The following KIF16B variants were observed in gnomAD, a reference collection of about 807,000 sequenced individuals.
KIF16B encodes kinesin-like protein KIF16B.
A neutral mutation model predicts 156.3 loss-of-function variants in KIF16B; 98 were observed. The ratio of observed to expected loss-of-function variants is 0.63; its 90% CI spans 0.53 to 0.74. The LOEUF is 0.74. Among genes scored for constraint, KIF16B ranks in the 30% least tolerant of loss-of-function variants. The pLI is 0.00. For synonymous variants in KIF16B, 564 were observed against 583.7 expected, an observed-to-expected ratio of 0.97 and a Z score of 0.49; for missense variants, 1,421 against 1,606.5, an observed-to-expected ratio of 0.88 and a Z score of 1.97.
chr20:16,318,547 C>T (rs557554746), intron 24 of KIF16B, among the ~76,000 whole-genome samples: 19 of 152,100 alleles, frequency 1.2e-4, no homozygotes, highest in African/African-American at 2.7e-4. Context: ...AAACACAAGA[C>T]GCGGTGTCTC....
At chr20:16,367,905 T>C in intron 22 of KIF16B, 1 of 1,482,258 alleles carries the variant, frequency 6.7e-7, no homozygotes, top group Non-Finnish European at 8.9e-7. Flanking sequence ...GAACACTCTG[T>C]CCACCAAAGC....
At chr20:16,521,697 C>T (rs1003995490) in intron 3 of KIF16B, among the ~76,000 whole-genome samples, 2 of 152,068 alleles carry the variant, frequency 1.3e-5, no homozygotes, top group African/African-American at 4.8e-5. Flanking sequence ...TCGAGTAGAG[C>T]AAAACCCAAG....
chr20:16,357,370 C>T (rs1600200314), intron 22 of KIF16B, among the ~76,000 whole-genome samples: 1 of 152,284 alleles, frequency 6.6e-6, no homozygotes, highest in Non-Finnish European at 1.5e-5. Flanking sequence ...AGGCCCAAGA[C>T]TGAGGGTTGA....
intron 12 of KIF16B, among the ~76,000 whole-genome samples, chr20:16,467,719 G>GA (rs35313223): frequency 0.41 from 61,176 of 147,872 alleles, 12,865 homozygotes; most frequent in African/African-American, 0.52. Flanking sequence ...TAATAGGGGG[G>GA]AAAAAAAAAA....
At chr20:16,414,717 T>C (rs1382631423) in intron 15 of KIF16B, among the ~76,000 whole-genome samples, 2 of 152,108 alleles carry the variant, frequency 1.3e-5, no homozygotes, top group African/African-American at 2.4e-5. Flanking sequence ...AAGACATTTT[T>C]AGATGTGTGT....
intron 12 of KIF16B, among the ~76,000 whole-genome samples, chr20:16,436,185 T>C (rs752774623): frequency 2.0e-5 from 3 of 152,166 alleles, no homozygotes; most frequent in Admixed American, 6.6e-5. Flanking sequence ...AAATATTCCA[T>C]GTGCCCTAAC....
intron 12 of KIF16B, among the ~76,000 whole-genome samples, chr20:16,453,234 C>T (rs775357686): frequency 1.6e-4 from 24 of 152,102 alleles, no homozygotes; most frequent in Non-Finnish European, 2.4e-4. Context: ...CATACCACTG[C>T]GCTCCAGCCT....
In KIF16B at chr20:16,304,639, T is replaced by A. The variant is rs541904710; in HGVS notation, c.3795+7696A>T. ...ATGAGGTATTTATTTAATCTCTATG[T>A]TTGATAATGGTTCTATTATTATATG... On this transcript the variant is annotated intron_variant, in intron 25 of 25. Coordinates refer to ENST00000354981, the MANE Select transcript of KIF16B (RefSeq NM_024704.5). 9.2e-5 allele frequency among the ~76,000 whole-genome samples: 14 copies of A among 152,336 alleles called. No homozygotes were observed. In the South Asian group the frequency reaches 2.9e-3, roughly 32 times the overall value.
chr20:16,541,694 G>A (rs891048276), intron 1 of KIF16B, among the ~76,000 whole-genome samples: 1 of 152,202 alleles, frequency 6.6e-6, no homozygotes, highest in Non-Finnish European at 1.5e-5. Flanking sequence ...CAAGCAGGGT[G>A]TTCATTAAGT....
chr20:16,548,548 C>A (rs980678152), intron 1 of KIF16B, among the ~76,000 whole-genome samples: 2 of 152,190 alleles, frequency 1.3e-5, no homozygotes, highest in Non-Finnish European at 2.9e-5. Flanking sequence ...CAAACCCTAT[C>A]GTAAATGGCG....
rs114677613 is a variant in KIF16B at position 16,445,098 on chromosome 20, A to T, written c.1303-15116T>A. On this transcript the variant is annotated intron_variant, in intron 12 of 25. Coordinates refer to ENST00000354981, the MANE Select transcript of KIF16B (RefSeq NM_024704.5). ...GCACCTATAGTCCTAGCTACTCAGC[A>T]GGCTGTGGCAGGAAGATCATCAGCC... is the stretch of plus-strand genomic sequence containing the variant. Among the ~76,000 whole-genome samples the T allele has an allele frequency of 7.2e-3, 1,095 of 152,272 alleles. 19 individuals are homozygous for T. The highest frequency in any genetic ancestry group is 0.025 in the African/African-American group (1,052 of 41,556).
intron 24 of KIF16B, among the ~76,000 whole-genome samples, chr20:16,317,053 CCAA>C (rs752766207): frequency 1.3e-5 from 2 of 152,194 alleles, no homozygotes; most frequent in Non-Finnish European, 2.9e-5. Flanking sequence ...CCCCCACACA[CCAA>C]CATCTTTTAT....
intron 1 of KIF16B, among the ~76,000 whole-genome samples, chr20:16,540,914 C>T (rs903263205): frequency 5.3e-5 from 8 of 152,162 alleles, no homozygotes; most frequent in Admixed American, 5.2e-4. Context: ...ATGGTTTGCA[C>T]TCATCAAGGG....
intron 17 of KIF16B, among the ~76,000 whole-genome samples, chr20:16,389,100 A>T (rs2065301014): frequency 6.6e-6 from 1 of 152,136 alleles, no homozygotes; most frequent in Non-Finnish European, 1.5e-5. Context: ...TTACTCTATT[A>T]TCTCAGTGGG....
Position 16,273,071 on chromosome 20 carries a change from G to A in KIF16B, c.*182C>T, listed in dbSNP as rs2063004945. ...TGTCAGGGCCACATCAGCAGGCAGA[G>A]CATCCCATCCCCAAACTCAGGCACT... On this transcript the variant is annotated 3_prime_UTR_variant, in exon 26 of 26. Transcript: ENST00000354981. 4 of 606,890 alleles carry A rather than the reference G, an allele frequency of 6.6e-6. No homozygotes were observed. Among genetic ancestry groups the A allele is most frequent in the Non-Finnish European group, 1.2e-5 (4 of 340,240 alleles). The allele number at this position is 606,890 out of a possible 1,614,324, so 37.6% of individuals were successfully genotyped here.
At chr20:16,297,924 G>T (rs912612492) in intron 25 of KIF16B, among the ~76,000 whole-genome samples, 5 of 151,980 alleles carry the variant, frequency 3.3e-5, no homozygotes, top group Non-Finnish European at 7.4e-5. Context: ...TGCTCTTCCT[G>T]CCCCCAGGCT....
intron 25 of KIF16B, among the ~76,000 whole-genome samples, chr20:16,284,409 T>C (rs535757751): frequency 6.6e-6 from 1 of 152,330 alleles, no homozygotes; most frequent in East Asian, 1.9e-4. Context: ...TTACTTTTTT[T>C]CCTGGACGTT....
intron 12 of KIF16B, among the ~76,000 whole-genome samples, chr20:16,480,749 C>CATAT (rs2067957847): frequency 6.6e-6 from 1 of 152,218 alleles, no homozygotes; most frequent in Non-Finnish European, 1.5e-5. Context: ...TCATGAGCTG[C>CATAT]ATATACCATC....
chr20:16,289,172 T>C (rs1304552876), intron 25 of KIF16B, among the ~76,000 whole-genome samples: 1 of 152,172 alleles, frequency 6.6e-6, no homozygotes, highest in Non-Finnish European at 1.5e-5. Flanking sequence ...ATGTAGTTTA[T>C]TGAATACTGT....
Sources: gnomAD v4.1 joint callset for allele counts (sites outside exome capture counted in the v4.1 genomes callset) on GRCh38, gnomAD v4.1.1 for gene constraint, MANE v1.5 for transcripts, NCBI Gene and HGNC (gene_info 2026-07-23, HGNC 2026-07-21) for gene names.